Variants in MACROD2 observed in about 807,000 individuals in gnomAD.
MACROD2 encodes mono-ADP ribosylhydrolase 2, also known as ADP-ribose glycohydrolase MACROD2.
MACROD2 carries 36 observed loss-of-function variants against 70.4 expected under a neutral mutation model. That is an observed-to-expected ratio of 0.51 (90% CI 0.39 to 0.68). The LOEUF (loss-of-function observed/expected upper bound fraction) is 0.68, where lower values mean the gene tolerates loss of function less well. MACROD2 is among the 30% of genes least tolerant of loss of function. The pLI is 0.00. For synonymous variants in MACROD2, 172 were observed against 178.8 expected (o/e 0.96, Z 0.30); for missense variants, 496 against 538.4 (o/e 0.92, Z 0.78).
intron 8 of MACROD2, among the ~76,000 whole-genome samples, chr20:15,564,986 A>G (rs915718918): frequency 6.6e-6 from 1 of 152,196 alleles, no homozygotes; most frequent in Non-Finnish European, 1.5e-5. Context: ...AAATTTTGCC[A>G]GTTTTCCTGG....
At chr20:15,053,615 T>C (rs1391141171) in intron 5 of MACROD2, among the ~76,000 whole-genome samples, 1 of 152,208 alleles carries the variant, frequency 6.6e-6, no homozygotes, top group Admixed American at 6.5e-5. Context: ...TAACAATGCA[T>C]CTGGTAACCC....
At chr20:15,906,218 G>A (rs1283590596) in intron 10 of MACROD2, among the ~76,000 whole-genome samples, 1 of 152,176 alleles carries the variant, frequency 6.6e-6, no homozygotes, top group East Asian at 1.9e-4. Flanking sequence ...GCCACTTATG[G>A]TGTATCCAAA....
At chr20:14,123,706 A>G (rs900376816) in intron 3 of MACROD2, among the ~76,000 whole-genome samples, 5 of 152,196 alleles carry the variant, frequency 3.3e-5, no homozygotes, top group African/African-American at 1.2e-4. Context: ...GAGTGCACTT[A>G]TAAAGGTTGA....
chr20:14,386,084 T>C (rs1405451161), intron 3 of MACROD2, among the ~76,000 whole-genome samples: 1 of 152,220 alleles, frequency 6.6e-6, no homozygotes, highest in Non-Finnish European at 1.5e-5. Context: ...TAATGCCATA[T>C]ATTATTTAGT....
At chr20:14,647,937 C>G (rs765589669) in intron 4 of MACROD2, among the ~76,000 whole-genome samples, 6 of 152,230 alleles carry the variant, frequency 3.9e-5, no homozygotes, top group African/African-American at 1.4e-4. Context: ...CCACCTCTTT[C>G]CCCAGAGCAC....
intron 8 of MACROD2, among the ~76,000 whole-genome samples, chr20:15,710,037 G>A (rs920132155): frequency 1.3e-5 from 2 of 151,882 alleles, no homozygotes; most frequent in Non-Finnish European, 2.9e-5. Context: ...TTAAAAACGG[G>A]CTAATGATCC....
intron 8 of MACROD2, among the ~76,000 whole-genome samples, chr20:15,734,489 TAGA>T (rs1333938716): frequency 6.6e-6 from 1 of 152,206 alleles, no homozygotes; most frequent in Non-Finnish European, 1.5e-5. Context: ...GCACTGTCAC[TAGA>T]AGATTTCATG....
intron 3 of MACROD2, among the ~76,000 whole-genome samples, chr20:14,086,750 C>T (rs1569152839): frequency 6.6e-6 from 1 of 152,068 alleles, no homozygotes; most frequent in Non-Finnish European, 1.5e-5. Flanking sequence ...GTTTGGCTAA[C>T]ATGTATGAGA....
chr20:14,769,118 A>G (rs1261599232), intron 5 of MACROD2, among the ~76,000 whole-genome samples: 1 of 151,974 alleles, frequency 6.6e-6, no homozygotes, highest in Non-Finnish European at 1.5e-5. Flanking sequence ...ACAAAAAGAG[A>G]TATGTTTTCC....
chr20:15,129,589 C>T (rs927376867), intron 5 of MACROD2, among the ~76,000 whole-genome samples: 1 of 152,034 alleles, frequency 6.6e-6, no homozygotes, highest in African/African-American at 2.4e-5. Context: ...GGCTTGAAAA[C>T]ATTTAGTTTA....
At chr20:15,604,123 GA>G (rs1303134122) in intron 8 of MACROD2, among the ~76,000 whole-genome samples, 1 of 152,124 alleles carries the variant, frequency 6.6e-6, no homozygotes, top group African/African-American at 2.4e-5. Context: ...ATCCACTGTG[GA>G]AGTATATGTA....
chr20:15,606,870 C>T (rs1046914889), intron 8 of MACROD2, among the ~76,000 whole-genome samples: 10 of 151,946 alleles, frequency 6.6e-5, no homozygotes, highest in African/African-American at 9.7e-5. Context: ...GGTGTGGTGG[C>T]GCATGCCTTT....
At chr20:15,986,234 C>T (rs1023679922) in intron 13 of MACROD2, among the ~76,000 whole-genome samples, 1 of 152,136 alleles carries the variant, frequency 6.6e-6, no homozygotes, top group South Asian at 2.1e-4. Flanking sequence ...GGGAGGGTCT[C>T]TCTCTTCCCT....
At chr20:14,719,570 T>A (rs118113489) in intron 5 of MACROD2, among the ~76,000 whole-genome samples, 152 of 152,222 alleles carry the variant, frequency 1.0e-3, no homozygotes, top group Non-Finnish European at 1.7e-3. Flanking sequence ...CTAAAAGCCT[T>A]ATGAGATGCT....
intron 9 of MACROD2, among the ~76,000 whole-genome samples, chr20:15,882,179 A>T (rs188259992): frequency 8.5e-5 from 13 of 152,292 alleles, no homozygotes; most frequent in African/African-American, 3.1e-4. Flanking sequence ...CAGAAAAATC[A>T]TACAAAATTA....
rs1458598311 is a variant in MACROD2 at position 15,890,834 on chromosome 20, G to A, written c.775+5023G>A. 4.6e-5 allele frequency among the ~76,000 whole-genome samples: 7 copies of A among 152,242 alleles called. No individual in the cohort carries two copies. In the South Asian group the frequency reaches 6.2e-4, roughly 14 times the overall value. The stretch of plus-strand genomic sequence containing the variant: ...AATTTTAGAATCCTGGCACGAAGGC[G>A]ACAGCTGCTAAGAGAGAATTAGGCA... On this transcript the variant is annotated intron_variant, in intron 10 of 17. Transcript: ENST00000684519.
intron 8 of MACROD2, among the ~76,000 whole-genome samples, chr20:15,551,854 G>C (rs2048102223): frequency 7.8e-6 from 1 of 128,212 alleles, no homozygotes; most frequent in South Asian, 2.6e-4. Context: ...GGCAGACAGA[G>C]TGAGACCCTG....
intron 6 of MACROD2, among the ~76,000 whole-genome samples, chr20:15,359,359 C>G (rs1166884267): frequency 6.6e-6 from 1 of 151,772 alleles, no homozygotes; most frequent in African/African-American, 2.4e-5. Flanking sequence ...TTTTTATTTT[C>G]TTGGCCATCT....
intron 10 of MACROD2, among the ~76,000 whole-genome samples, chr20:15,889,900 G>A (rs1043621795): frequency 6.6e-6 from 1 of 152,126 alleles, no homozygotes; most frequent in African/African-American, 2.4e-5. Flanking sequence ...CATTGTCAAG[G>A]AGAAGCATGG....
Sources: gnomAD v4.1 joint callset for allele counts (sites outside exome capture counted in the v4.1 genomes callset) on GRCh38, gnomAD v4.1.1 for gene constraint, MANE v1.5 for transcripts, NCBI Gene and HGNC (gene_info 2026-07-23, HGNC 2026-07-21) for gene names.